Variants in DAW1 observed in about 807,000 individuals in gnomAD.
DAW1 encodes the protein dynein assembly factor with WD repeat domains 1.
Under a neutral mutation model 56.5 loss-of-function variants are expected in DAW1, and 47 were observed. The observed-to-expected ratio is 0.83, with a 90% CI of 0.66 to 1.06. The LOEUF (loss-of-function observed/expected upper bound fraction) is 1.06, where lower values mean the gene tolerates loss of function less well. DAW1 is among the 50% of genes least tolerant of loss of function. The pLI, the probability that DAW1 is intolerant of heterozygous loss-of-function variation, is 0.00. For synonymous variants in DAW1, 190 were observed against 179.0 expected (o/e 1.06, Z -0.49); for missense variants, 505 against 499.3 (o/e 1.01, Z -0.11).
intron 3 of DAW1, 142 bp downstream of exon 3, chr2:227,890,142 A>T: frequency 1.3e-6 from 1 of 796,202 alleles, no homozygotes; most frequent in Non-Finnish European, 1.8e-6. Flanking sequence ...GTTTGCTAAG[A>T]TTGTCCCAAT....
At chr2:227,910,008 A>G (rs940672706) in intron 10 of DAW1, among the ~76,000 whole-genome samples, 4 of 152,190 alleles carry the variant, frequency 2.6e-5, no homozygotes, top group African/African-American at 9.7e-5. Context: ...ATTATACTAC[A>G]TCTGCATCAT....
chr2:227,890,120 T>C, intron 3 of DAW1, 120 bp downstream of exon 3: 2 of 1,004,168 alleles, frequency 2.0e-6, no homozygotes, highest in Non-Finnish European at 2.8e-6. Context: ...TTGATTGTAG[T>C]GCCTCACATA....
At chr2:227,874,698 A>T (rs1431330477) in intron 1 of DAW1, among the ~76,000 whole-genome samples, 2 of 152,050 alleles carry the variant, frequency 1.3e-5, no homozygotes, top group Non-Finnish European at 2.9e-5. Context: ...ACACTCATAC[A>T]CTATGCAATC....
chr2:227,912,794 C>G (rs1691859719), intron 10 of DAW1, among the ~76,000 whole-genome samples: 1 of 152,136 alleles, frequency 6.6e-6, no homozygotes, highest in Non-Finnish European at 1.5e-5. Flanking sequence ...CAATGATAAA[C>G]ATGATAATTG....
At chr2:227,876,638 A>G (rs1489132297) in intron 1 of DAW1, 2 of 484,582 alleles carry the variant, frequency 4.1e-6, no homozygotes, top group African/African-American at 2.0e-5. Flanking sequence ...TTTCTTTTGA[A>G]TAACGTATAG....
chr2:227,889,901 T>C lies in DAW1; in HGVS notation c.159T>C (p.Pro53=). ...ALVEEIQKAE[P]LLTASRTEQV... ...TAGAAGAAATCCAGAAGGCAGAACCTCTACTCACAGCTTCACGAACAGAGC... is the reference window on the plus strand; with the variant it reads ...TAGAAGAAATCCAGAAGGCAGAACCCCTACTCACAGCTTCACGAACAGAGC... Residue 53 remains proline, a synonymous_variant, in exon 3 of 13, where the codon CCT becomes CCC. Transcript: ENST00000309931. 2 of 1,610,152 alleles carry C rather than the reference T, an allele frequency of 1.2e-6. No homozygotes were observed. The highest frequency in any genetic ancestry group is 8.5e-7 in the Non-Finnish European group (1 of 1,178,740).
chr2:227,883,206 G>A (rs1691050410), intron 1 of DAW1, among the ~76,000 whole-genome samples: 1 of 152,188 alleles, frequency 6.6e-6, no homozygotes, highest in African/African-American at 2.4e-5. Context: ...TGCTAGTGAT[G>A]TATTTTAGCT....
Position 227,902,982 on chromosome 2 carries a change from T to C in DAW1, c.541-20T>C, listed in dbSNP as rs374674324. 3.1e-6 allele frequency: 5 copies of C among 1,609,708 alleles called. No individual in the cohort carries two copies. In the African/African-American group the frequency reaches 5.4e-5, roughly 17 times the overall value. ...TGAAACTCTGTCTTCCTAAAATTTC[T>C]CCCATTTTATGTAATTTAGGTGTGT... is the stretch of plus-strand genomic sequence containing the variant. On this transcript the variant is annotated intron_variant, in intron 6 of 12. Coordinates refer to ENST00000309931, the MANE Select transcript of DAW1 (RefSeq NM_178821.3).
chr2:227,907,951 C>T (rs544453263), intron 10 of DAW1, among the ~76,000 whole-genome samples: 1 of 152,230 alleles, frequency 6.6e-6, no homozygotes, highest in African/African-American at 2.4e-5. Context: ...TGCTGTTCCG[C>T]TATGTCTACT....
At chr2:227,905,165 A>T in intron 8 of DAW1, 130 bp downstream of exon 8, 1 of 566,998 alleles carries the variant, frequency 1.8e-6, no homozygotes, top group Non-Finnish European at 2.9e-6. Context: ...CATATTGAAA[A>T]TGTAAATTAA....
chr2:227,889,769 A>C, intron 2 of DAW1, 87 bp from the exon 3 acceptor site: 1 of 1,128,808 alleles, frequency 8.9e-7, no homozygotes, highest in Non-Finnish European at 1.2e-6. Flanking sequence ...GTGCTTCATG[A>C]AGCAATACAA....
intron 10 of DAW1, among the ~76,000 whole-genome samples, chr2:227,918,076 T>A (rs1692005807): frequency 6.6e-6 from 1 of 152,146 alleles, no homozygotes; most frequent in Non-Finnish European, 1.5e-5. Context: ...AACTTATTCA[T>A]CCTTTACTGA....
chr2:227,914,447 A>G (rs1409656472), intron 10 of DAW1, among the ~76,000 whole-genome samples: 1 of 152,106 alleles, frequency 6.6e-6, no homozygotes, highest in African/African-American at 2.4e-5. Context: ...TACTTGTCAT[A>G]AATAGTGATT....
At chr2:227,894,123 T>C (rs1052220712) in intron 5 of DAW1, among the ~76,000 whole-genome samples, 4 of 152,074 alleles carry the variant, frequency 2.6e-5, no homozygotes, top group Non-Finnish European at 5.9e-5. Context: ...GGTTTAAGGC[T>C]GGGCGTGGTG....
intron 10 of DAW1, among the ~76,000 whole-genome samples, chr2:227,913,635 A>G (rs1691880425): frequency 6.6e-6 from 1 of 152,158 alleles, no homozygotes; most frequent in Non-Finnish European, 1.5e-5. Flanking sequence ...ATGGTACTCT[A>G]CATGCACATC....
At chr2:227,873,276 T>C (rs114511354) in intron 1 of DAW1, among the ~76,000 whole-genome samples, 2,375 of 152,326 alleles carry the variant, frequency 0.016, 56 homozygotes, top group African/African-American at 0.054. Flanking sequence ...AAAAATTATA[T>C]TTGTCATCAT....
At chr2:227,904,476 TTAA>T (rs1412830758) in intron 7 of DAW1, among the ~76,000 whole-genome samples, 1 of 152,190 alleles carries the variant, frequency 6.6e-6, no homozygotes, top group Non-Finnish European at 1.5e-5. Flanking sequence ...TCAAGTTATC[TTAA>T]TAATTTCCTT....
rs779311068 is a variant in DAW1 at position 227,923,959 on chromosome 2, A to G, written c.1239A>G (p.Ile413Met). The G allele has an allele frequency of 1.2e-6, 2 of 1,614,090 alleles. No individual in the cohort carries two copies. Among genetic ancestry groups the G allele is most frequent in the Admixed American group, 1.7e-5 (1 of 60,020 alleles). The change falls in exon 13 of 13, where the codon ATA becomes ATG. Residue 413 changes from isoleucine (I) to methionine (M), a missense_variant. Coordinates refer to ENST00000309931, the MANE Select transcript of DAW1 (RefSeq NM_178821.3). Reference sequence around the variant, plus strand: ...GCAGCAAGGATAATACCTGTAGGATATGGCGTTGACTGAAGGAAGCTGGTC... The same window carrying G: ...GCAGCAAGGATAATACCTGTAGGATGTGGCGTTGACTGAAGGAAGCTGGTC... ...ITGSKDNTCR[I>M]WR
chr2:227,908,660 A>G (rs1691741756), intron 10 of DAW1, among the ~76,000 whole-genome samples: 1 of 152,194 alleles, frequency 6.6e-6, no homozygotes, highest in African/African-American at 2.4e-5. Context: ...ACACTATACA[A>G]TTTCTACATT....
Sources: gnomAD v4.1 joint callset for allele counts (sites outside exome capture counted in the v4.1 genomes callset) on GRCh38, gnomAD v4.1.1 for gene constraint, MANE v1.5 for transcripts, NCBI Gene and HGNC (gene_info 2026-07-23, HGNC 2026-07-21) for gene names.